Variants in CCNJ observed in about 807,000 individuals in gnomAD.
CCNJ encodes the protein cyclin J, also known as cyclin-J.
Under a neutral mutation model 41.4 loss-of-function variants are expected in CCNJ, and 12 were observed. The observed-to-expected ratio is 0.29, with a 90% CI of 0.19 to 0.47. The LOEUF is 0.47. Ranked by LOEUF, CCNJ falls within the 20% of genes least tolerant of loss-of-function variation. CCNJ has a pLI of 1.00. For missense variants in CCNJ, 340 were observed against 464.6 expected, an observed-to-expected ratio of 0.73 and a Z score of 2.47; for synonymous variants, 161 against 173.4, an observed-to-expected ratio of 0.93 and a Z score of 0.56.
rs2080303597 is a variant in CCNJ, at chr10:96,044,440, T to G, written c.47T>G (p.Ile16Ser). The change falls in exon 2 of 6, where the codon ATT becomes AGT. Residue 16 changes from isoleucine to serine, a missense_variant. By Grantham distance (142) the Ile-to-Ser change is moderately radical. Around this residue, in one of 3 missense-constraint regions of CCNJ, gnomAD observed 44 missense variants for 43.6 expected, o/e 1.01. Transcript: ENST00000465148. The stretch of plus-strand genomic sequence containing the variant: ...TGGCGAGGACAGCTGGCCGCCGATA[T>G]TCACCAAGCGCTTCGCTACAAGGTA... ...QWWRGQLAAD[I>S]HQALRYKELK... 2 of 1,559,720 alleles carry G rather than the reference T, an allele frequency of 1.3e-6. No individual in the cohort carries two copies. The highest frequency in any genetic ancestry group is 1.4e-5 in the African/African-American group (1 of 72,632).
chr10:96,050,749 T>C (rs1277065372), intron 3 of CCNJ, among the ~76,000 whole-genome samples: 1 of 152,222 alleles, frequency 6.6e-6, no homozygotes, highest in Non-Finnish European at 1.5e-5. Flanking sequence ...TTTTTAACTT[T>C]TTGAAAAAGT....
At chr10:96,049,077 A>G (rs2080445354) in intron 2 of CCNJ, among the ~76,000 whole-genome samples, 1 of 152,180 alleles carries the variant, frequency 6.6e-6, no homozygotes, top group African/African-American at 2.4e-5. Flanking sequence ...TCAAGCTAAC[A>G]CTTATGATTA....
rs1047370 is a variant in CCNJ, at chr10:96,060,582, G to T, written c.*2341G>T. The T allele has an allele frequency of 0.3, 45,830 of 150,998 alleles. 7,710 individuals are homozygous for T. Among genetic ancestry groups the T allele is most frequent in the East Asian group, 0.51 (2,608 of 5,104 alleles). The allele number at this position is 150,998 out of a possible 1,614,324, so 9.4% of individuals were successfully genotyped here. A position where few individuals can be genotyped will look rare whatever the true frequency, so the allele number is the denominator to read the frequency against. ...GCTTTGGGGGGTGGGGGAACATTGTGTGGGTTTTGTTTTGTTTAATTTATT... is the reference window on the plus strand; with the variant it reads ...GCTTTGGGGGGTGGGGGAACATTGTTTGGGTTTTGTTTTGTTTAATTTATT... On this transcript the variant is annotated 3_prime_UTR_variant, in exon 6 of 6. Coordinates refer to ENST00000465148, the MANE Select transcript of CCNJ (RefSeq NM_001134375.2).
chr10:96,056,831 C>T lies in CCNJ; in HGVS notation c.411C>T (p.Thr137=). 1.2e-6 allele frequency: 2 copies of T among 1,614,108 alleles called. No homozygotes were observed. The highest frequency in any genetic ancestry group is 1.7e-6 in the Non-Finnish European group (2 of 1,180,024). Residue 137 remains threonine, a synonymous_variant, in exon 4 of 6, where the codon ACC becomes ACT. Transcript: ENST00000465148. ...LLHMELLLLE[T]FQWNLCLPTA... is the part of the protein sequence containing the mutation. ...ATATGGAACTATTATTATTAGAAAC[C>T]TTTCAGTGGAACCTCTGCCTTCCAA... is the stretch of plus-strand genomic sequence containing the variant.
In CCNJ at chr10:96,056,884, T is replaced by C; in HGVS notation, c.464T>C (p.Leu155Pro). The C allele has an allele frequency of 6.2e-7, 1 of 1,614,136 alleles. No individual in the cohort carries two copies. Among genetic ancestry groups the C allele is most frequent in the Non-Finnish European group, 8.5e-7 (1 of 1,180,010 alleles). ...PTAAHFIEYY[L>P]SEAVHETDLH... is the part of the protein sequence containing the mutation. ...GCCGCCCATTTCATTGAGTATTATC[T>C]CTCTGAAGCAGTACACGAAACAGAT... Residue 155 changes from leucine (L) to proline (P), a missense_variant, in exon 4 of 6, where the codon CTC becomes CCC. By Grantham distance (98) the Leu-to-Pro change is moderately conservative. Transcript: ENST00000465148.
In CCNJ at chr10:96,058,548, C is replaced by A. The variant is rs1010890545; in HGVS notation, c.*307C>A. 4 of 456,330 alleles carry A rather than the reference C, an allele frequency of 8.8e-6. No homozygotes were observed. The highest frequency in any genetic ancestry group is 7.9e-5 in the African/African-American group (4 of 50,582). 28.3% of individuals were successfully genotyped at this position (456,330 alleles called of 1,614,324 possible). On this transcript the variant is annotated 3_prime_UTR_variant, in exon 6 of 6. Coordinates refer to ENST00000465148, the MANE Select transcript of CCNJ (RefSeq NM_001134375.2). Reference sequence around the variant, plus strand: ...GAAAATTTGGACAGACTTCAATTTGCCATTTTGAGATTTGACCTGTGGTAG... The same window carrying A: ...GAAAATTTGGACAGACTTCAATTTGACATTTTGAGATTTGACCTGTGGTAG...
intron 2 of CCNJ, among the ~76,000 whole-genome samples, chr10:96,046,351 A>T (rs1471689197): frequency 6.6e-6 from 1 of 152,234 alleles, no homozygotes; most frequent in Non-Finnish European, 1.5e-5. Context: ...TAATCTGTAA[A>T]ACTTAAACTT....
Position 96,058,935 on chromosome 10 carries a change from T to C in CCNJ, c.*694T>C, listed in dbSNP as rs10882713. ...CCCTAAGTGATCAACATCAAATTTT[T>C]AGAATTAAAATACATTTAACTCAGG... On this transcript the variant is annotated 3_prime_UTR_variant, in exon 6 of 6. Transcript: ENST00000465148. The C allele has an allele frequency of 0.042, 6,436 of 154,686 alleles. 422 individuals carry two copies. The highest frequency in any genetic ancestry group is 0.28 in the East Asian group (1,466 of 5,236). The allele number at this position is 154,686 out of a possible 1,614,324, so 9.6% of individuals were successfully genotyped here. A position where few individuals can be genotyped will look rare whatever the true frequency, so the allele number is the denominator to read the frequency against.
rs113035713 is a variant in CCNJ, at chr10:96,058,163, C to T, written c.1074C>T (p.Pro358=). ...TGGCAATACCAGTAGAAGTTAAGCC[C>T]TGTCTGAGTGTTTCTTACAACCGGA... ...MSLAIPVEVK[P]CLSVSYNRSY... is the part of the protein sequence containing the mutation. The change falls in exon 6 of 6, where the codon CCC becomes CCT. Residue 358 remains proline (P), a synonymous_variant. Transcript: ENST00000465148. The T allele has an allele frequency of 1.4e-3, 2,270 of 1,614,072 alleles. 24 individuals carry two copies. The African/African-American group carries it at 0.023, about 16-fold the overall frequency.
chr10:96,045,107 G>A (rs935362230), intron 2 of CCNJ, among the ~76,000 whole-genome samples: 7 of 152,182 alleles, frequency 4.6e-5, no homozygotes, highest in Non-Finnish European at 8.8e-5. Flanking sequence ...CCTTCCTGCT[G>A]ATATCAAAGG....
chr10:96,045,733 T>A (rs1482284453), intron 2 of CCNJ, among the ~76,000 whole-genome samples: 1 of 152,168 alleles, frequency 6.6e-6, no homozygotes, highest in Non-Finnish European at 1.5e-5. Flanking sequence ...TTTTCTTTTT[T>A]AAAAAAATTA....
chr10:96,048,609 C>G (rs1056479397), intron 2 of CCNJ, among the ~76,000 whole-genome samples: 5 of 152,064 alleles, frequency 3.3e-5, no homozygotes, highest in Non-Finnish European at 7.4e-5. Flanking sequence ...TTCCCACCCT[C>G]TAGCTTCTGA....
At position 96,044,407 on chromosome 10, in the gene CCNJ, G is replaced by T. The variant is rs746944689; in HGVS notation, c.14G>T (p.Gly5Val). Reference protein sequence around the residue: MELEGQWWRGQLAAD... With the variant: MELEVQWWRGQLAAD... ...CCGCCGGGTCCCATGGAGCTGGAGG[G>T]GCAGTGGTGGCGAGGACAGCTGGCC... Residue 5 changes from glycine (G) to valine (V), a missense_variant, in exon 2 of 6, where the codon GGG becomes GTG. Gly to Val is a moderately radical substitution (Grantham distance 109). Transcript: ENST00000465148. 29 of 1,565,008 alleles carry T rather than the reference G, an allele frequency of 1.9e-5. No individual in the cohort carries two copies. The highest frequency in any genetic ancestry group is 3.6e-5 in the Admixed American group (2 of 55,608).
At chr10:96,044,093 A>C (rs1450567369) in intron 1 of CCNJ, among the ~76,000 whole-genome samples, 1 of 152,176 alleles carries the variant, frequency 6.6e-6, no homozygotes, top group Non-Finnish European at 1.5e-5. Context: ...GCGCTTTGGC[A>C]ACTCAGGGCC....
chr10:96,057,958 A>T lies in CCNJ; in HGVS notation c.869A>T (p.Tyr290Phe). ...CCAGTTCACTTTCAGCAACCTCAGT[A>T]TCTCCATCAGACACATCAGACCTCA... is the stretch of plus-strand genomic sequence containing the variant. ...SRPVHFQQPQ[Y>F]LHQTHQTSLQ... Residue 290 changes from tyrosine (Y) to phenylalanine (F), a missense_variant, in exon 6 of 6, where the codon TAT (tyrosine) becomes TTT (phenylalanine). Tyr to Phe is a conservative substitution (Grantham distance 22). This residue lies in a region of CCNJ where 159 missense variants were observed against 168.2 expected (regional missense o/e 0.95). Transcript: ENST00000465148. 6.2e-7 allele frequency: 1 copy of T among 1,614,192 alleles called. No individual in the cohort carries two copies. Among genetic ancestry groups the T allele is most frequent in the Non-Finnish European group, 8.5e-7 (1 of 1,180,030 alleles).
chr10:96,045,064 T>A (rs760627183), intron 2 of CCNJ, among the ~76,000 whole-genome samples: 82 of 152,344 alleles, frequency 5.4e-4, no homozygotes, highest in Non-Finnish European at 3.4e-4. Flanking sequence ...TTTGGGCTGT[T>A]CAAAAGCCCT....
chr10:96,049,435 G>T (rs1446809745), intron 2 of CCNJ, among the ~76,000 whole-genome samples: 1 of 145,044 alleles, frequency 6.9e-6, no homozygotes, highest in East Asian at 2.0e-4. Flanking sequence ...TTAAACAAAA[G>T]TTTTTAATTT....
chr10:96,054,553 C>G (rs1027215698), intron 3 of CCNJ, among the ~76,000 whole-genome samples: 6 of 152,140 alleles, frequency 3.9e-5, no homozygotes, highest in Non-Finnish European at 7.4e-5. Context: ...CACTTGTAGC[C>G]AAATATTTTA....
chr10:96,048,909 T>C (rs2080441347), intron 2 of CCNJ, among the ~76,000 whole-genome samples: 1 of 152,226 alleles, frequency 6.6e-6, no homozygotes, highest in Admixed American at 6.5e-5. Flanking sequence ...TTCAAGTCCC[T>C]GCTTTCAGTT....
Sources: gnomAD v4.1 joint callset for allele counts (sites outside exome capture counted in the v4.1 genomes callset) on GRCh38, gnomAD v4.1.1 for gene constraint, gnomAD v4.1.1 regional missense constraint, MANE v1.5 for transcripts, NCBI Gene and HGNC (gene_info 2026-07-23, HGNC 2026-07-21) for gene names.